The following DLEC1 variants were observed in gnomAD, a reference collection of about 807,000 sequenced individuals.
DLEC1 encodes deleted in lung and esophageal cancer protein 1.
In DLEC1, 146 loss-of-function variants were observed where a neutral mutation model predicts 198.1. That is an observed-to-expected ratio of 0.74 (90% CI 0.64 to 0.85). The LOEUF is 0.85. Among genes scored for constraint, DLEC1 ranks in the 40% least tolerant of loss-of-function variants. The pLI is 0.00. For missense variants in DLEC1, 2,233 were observed against 2,220.0 expected (o/e 1.01, Z -0.12); for synonymous variants, 897 against 866.8 (o/e 1.03, Z -0.61).
chr3:38,113,870 T>C (rs1040863904), intron 25 of DLEC1, among the ~76,000 whole-genome samples: 6 of 152,142 alleles, frequency 3.9e-5, no homozygotes, highest in African/African-American at 1.2e-4. Flanking sequence ...ATCACACTCT[T>C]ATATTTTCTA....
In DLEC1 at chr3:38,075,345, C is replaced by G. The variant is rs536155336; in HGVS notation, c.1174-8813C>G. On this transcript the variant is annotated intron_variant, in intron 6 of 36. Coordinates refer to ENST00000308059, the MANE Select transcript of DLEC1 (RefSeq NM_007335.4). ...TTGTAGGATGGAGAAATTGAAAGTGCCATTTTCTGGCCATTTAGAGCCATT... is the reference window on the plus strand; with the variant it reads ...TTGTAGGATGGAGAAATTGAAAGTGGCATTTTCTGGCCATTTAGAGCCATT... 3.3e-5 allele frequency among the ~76,000 whole-genome samples: 5 copies of G among 152,206 alleles called. No individual in the cohort carries two copies. The South Asian group carries it at 1.0e-3, about 32-fold the overall frequency.
chr3:38,118,071 A>G (rs765311919), intron 33 of DLEC1, 47 bp downstream of exon 33: 15 of 1,547,180 alleles, frequency 9.7e-6, no homozygotes, highest in South Asian at 2.4e-5. Flanking sequence ...ACACCCTCAC[A>G]TGTGTACAGA....
chr3:38,117,328 C>T (rs772315758), intron 31 of DLEC1, 26 bp downstream of exon 31: 2 of 1,612,134 alleles, frequency 1.2e-6, no homozygotes, highest in South Asian at 1.1e-5. Context: ...TGCCCCATCT[C>T]CTTTCATCCC....
At chr3:38,084,610 A>AGTGGTG (rs1559431043) in intron 7 of DLEC1, among the ~76,000 whole-genome samples, 4 of 22,510 alleles carry the variant, frequency 1.8e-4, no homozygotes, top group South Asian at 1.3e-3. Context: ...TAGCAGTAGC[A>AGTGGTG]GTAGCAGTAC....
intron 19 of DLEC1, among the ~76,000 whole-genome samples, chr3:38,106,755 C>CAA (rs4019982): frequency 7.3e-3 from 278 of 38,060 alleles, no homozygotes; most frequent in East Asian, 0.013. Context: ...GACTCTATCT[C>CAA]AAAAAAAAAA....
chr3:38,050,391 C>T (rs1701057264), intron 2 of DLEC1, among the ~76,000 whole-genome samples: 1 of 152,102 alleles, frequency 6.6e-6, no homozygotes, highest in African/African-American at 2.4e-5. Context: ...ATACCTGAGG[C>T]TGGGTAATTT....
At chr3:38,081,568 G>T (rs1262494038) in intron 6 of DLEC1, among the ~76,000 whole-genome samples, 1 of 104,106 alleles carries the variant, frequency 9.6e-6, no homozygotes, top group Non-Finnish European at 1.9e-5. Context: ...GGCCGGGCAG[G>T]GGGCTGAGCC....
chr3:38,094,738 A>G, intron 12 of DLEC1, 141 bp from the exon 13 acceptor site: 1 of 907,876 alleles, frequency 1.1e-6, no homozygotes, highest in Non-Finnish European at 1.6e-6. Context: ...CCTCCATTGG[A>G]AGGGTGTGAA....
intron 6 of DLEC1, among the ~76,000 whole-genome samples, chr3:38,066,939 C>A (rs1448560960): frequency 6.6e-6 from 1 of 152,162 alleles, no homozygotes; most frequent in Admixed American, 6.5e-5. Context: ...TAGAAGCTGG[C>A]AAACACCCAG....
intron 2 of DLEC1, among the ~76,000 whole-genome samples, chr3:38,049,289 C>T (rs1431800683): frequency 6.6e-6 from 1 of 152,118 alleles, no homozygotes; most frequent in Non-Finnish European, 1.5e-5. Flanking sequence ...TCCATGGATA[C>T]CCCTCTGGTG....
At chr3:38,104,321 G>A (rs1313850374) in intron 19 of DLEC1, among the ~76,000 whole-genome samples, 4 of 152,098 alleles carry the variant, frequency 2.6e-5, no homozygotes. Flanking sequence ...GCCGGGTGTG[G>A]TGGTGCACAC....
chr3:38,097,265 AG>A lies in DLEC1; in HGVS notation c.2428del (p.Val810SerfsTer2). ...CHIIEVEPGT[G>X]VIEPSEVGDF... ...ACATCATTGAAGTGGAGCCCGGCAC[AG>A]GGGTCATAGGTACCTTGGGGACTGC... On this transcript the variant is annotated frameshift_variant, in exon 16 of 37. Coordinates refer to ENST00000308059, the MANE Select transcript of DLEC1 (RefSeq NM_007335.4). LOFTEE classifies it high-confidence loss of function. 6.3e-7 allele frequency: 1 copy of A among 1,579,900 alleles called. No homozygotes were observed. Among genetic ancestry groups the A allele is most frequent in the South Asian group, 1.2e-5 (1 of 86,674 alleles).
intron 34 of DLEC1, among the ~76,000 whole-genome samples, chr3:38,120,858 CGGGA>C (rs1700415824): frequency 6.6e-6 from 1 of 152,142 alleles, no homozygotes; most frequent in Non-Finnish European, 1.5e-5. Context: ...AGGCTCCCTG[CGGGA>C]GGAAGGACAT....
intron 2 of DLEC1, among the ~76,000 whole-genome samples, chr3:38,049,564 C>T (rs1701018277): frequency 6.6e-6 from 1 of 152,124 alleles, no homozygotes. Context: ...AGAGCCATGC[C>T]CAGGAGCCAC....
intron 25 of DLEC1, among the ~76,000 whole-genome samples, chr3:38,114,110 TAA>T (rs35524280): frequency 1.0e-4 from 9 of 87,908 alleles, no homozygotes; most frequent in South Asian, 8.4e-4. Flanking sequence ...CTGTGTCTAC[TAA>T]AAAAAAAAAA....
chr3:38,039,484 C>G lies in DLEC1; in HGVS notation c.259C>G (p.Leu87Val). ...GCTGCTTCGTCTGCGCCCCTCCTCG[C>G]TGCGCACCCAAGATATCTCGCACTT... Reference protein sequence around the residue: ...PQLLRLRPSSLRTQDISHLLT... With the variant: ...PQLLRLRPSSVRTQDISHLLT... The change falls in exon 1 of 37, where the codon CTG becomes GTG. Residue 87 changes from leucine to valine, a missense_variant. Physicochemically the swap from Leu to Val is conservative, Grantham distance 32 (BLOSUM62 1). Coordinates refer to ENST00000308059, the MANE Select transcript of DLEC1 (RefSeq NM_007335.4). 1.2e-6 allele frequency: 2 copies of G among 1,614,074 alleles called. No homozygotes were observed. Among genetic ancestry groups the G allele is most frequent in the Non-Finnish European group, 1.7e-6 (2 of 1,179,904 alleles).
In DLEC1 at chr3:38,112,587, C is replaced by T. The variant is rs1559460053; in HGVS notation, c.3666+226C>T. 6.6e-6 allele frequency among the ~76,000 whole-genome samples: 1 copy of T among 152,178 alleles called. No homozygotes were observed. ...GGTCCTCATAAGCAGTAGAACTTTCCACACCTTTTCCCAGGAGATGCAGGG... is the reference window on the plus strand; with the variant it reads ...GGTCCTCATAAGCAGTAGAACTTTCTACACCTTTTCCCAGGAGATGCAGGG... On this transcript the variant is annotated intron_variant, in intron 25 of 36. Coordinates refer to ENST00000308059, the MANE Select transcript of DLEC1 (RefSeq NM_007335.4). The surrounding 1 kb of genome is among the most constrained non-coding windows in gnomAD (Gnocchi z 4.8).
chr3:38,117,792 C>G lies in DLEC1; in HGVS notation c.4486-14C>G. 6.2e-7 allele frequency: 1 copy of G among 1,612,986 alleles called. No individual in the cohort carries two copies. On this transcript the variant is annotated splice_polypyrimidine_tract_variant and intron_variant, in intron 32 of 36. Transcript: ENST00000308059. ...AAGATGCATTCCCTGCCTCCTACCT[C>G]TGTGGCTGCCCAGGTGCTGAGTGAG... is the stretch of plus-strand genomic sequence containing the variant.
In DLEC1 at chr3:38,109,564, T is replaced by C; in HGVS notation, c.3260+2T>C. 1.2e-6 allele frequency: 2 copies of C among 1,614,128 alleles called. No individual in the cohort carries two copies. Among genetic ancestry groups the C allele is most frequent in the South Asian group, 1.1e-5 (1 of 91,078 alleles). ...CTCTAAGGAGAGCTCTGATTGCAGG[T>C]GAGCCCAGGGTTGGTGGTCTGGGGG... On this transcript the variant is annotated splice_donor_variant, in intron 22 of 36. Coordinates refer to ENST00000308059, the MANE Select transcript of DLEC1 (RefSeq NM_007335.4). LOFTEE classifies it high-confidence loss of function.
Sources: gnomAD v4.1 joint callset for allele counts (sites outside exome capture counted in the v4.1 genomes callset) on GRCh38, gnomAD v4.1.1 for gene constraint, Gnocchi (gnomAD v3.1) non-coding constraint, MANE v1.5 for transcripts, NCBI Gene and HGNC (gene_info 2026-07-23, HGNC 2026-07-21) for gene names.